RPF1: variants seen among roughly 807,000 people sequenced by gnomAD.
RPF1 encodes ribosome production factor 1 homolog.
RPF1 carries 34 observed loss-of-function variants against 41.9 expected under a neutral mutation model. That is an observed-to-expected ratio of 0.81 (90% CI 0.62 to 1.08). The LOEUF is 1.08. RPF1 is among the 50% of genes least tolerant of loss of function. The pLI is 0.00. For missense variants in RPF1, 425 were observed against 435.2 expected (o/e 0.98, Z 0.21); for synonymous variants, 140 against 148.9 (o/e 0.94, Z 0.43).
intron 2 of RPF1, 64 bp downstream of exon 2, chr1:84,481,076 G>A (rs1681639543): frequency 1.1e-5 from 9 of 855,336 alleles, no homozygotes; most frequent in Non-Finnish European, 1.7e-5. Context: ...TGATATTTAA[G>A]TTGAATTACT....
intron 3 of RPF1, among the ~76,000 whole-genome samples, chr1:84,483,693 T>C (rs1681691111): frequency 6.6e-6 from 1 of 152,236 alleles, no homozygotes; most frequent in African/African-American, 2.4e-5. Flanking sequence ...AGATAATCTT[T>C]CACTTTGCAT....
chr1:84,483,908 C>T (rs1189747483), intron 3 of RPF1, among the ~76,000 whole-genome samples: 1 of 152,186 alleles, frequency 6.6e-6, no homozygotes, highest in Non-Finnish European at 1.5e-5. Context: ...GATTTGCCTG[C>T]ATCGTATTGG....
At chr1:84,487,491 A>T (rs1445891235) in intron 3 of RPF1, among the ~76,000 whole-genome samples, 2 of 152,116 alleles carry the variant, frequency 1.3e-5, no homozygotes, top group Non-Finnish European at 2.9e-5. Flanking sequence ...TTCTCTATAT[A>T]ATTTGGATAC....
At chr1:84,479,581 A>C in intron 1 of RPF1, 72 bp downstream of exon 1, 11 of 1,416,060 alleles carry the variant, frequency 7.8e-6, no homozygotes, top group Non-Finnish European at 1.1e-5. Flanking sequence ...CGGGGCGCAC[A>C]TCTGTGGTTG....
chr1:84,491,216 T>C (rs1681829785), intron 5 of RPF1, among the ~76,000 whole-genome samples: 1 of 152,182 alleles, frequency 6.6e-6, no homozygotes, highest in Non-Finnish European at 1.5e-5. Flanking sequence ...GTTATTATTG[T>C]TGCTGTTTTA....
At chr1:84,490,598 A>G (rs958561573) in intron 5 of RPF1, 126 bp downstream of exon 5, 3 of 678,992 alleles carry the variant, frequency 4.4e-6, no homozygotes, top group African/African-American at 1.9e-5. Flanking sequence ...AGAAAATTGT[A>G]TCTCTTTCCA....
At chr1:84,493,332 C>CAAAAAAAAA (rs376130673) in intron 5 of RPF1, among the ~76,000 whole-genome samples, 3 of 104,104 alleles carry the variant, frequency 2.9e-5, no homozygotes, top group Non-Finnish European at 6.4e-5. Flanking sequence ...GCACTACTAT[C>CAAAAAAAAA]AAAAAAAAAA....
chr1:84,479,626 T>TG, intron 1 of RPF1, 117 bp downstream of exon 1: 1 of 959,228 alleles, frequency 1.0e-6, no homozygotes, highest in South Asian at 1.7e-5. Flanking sequence ...TGTGGCTCCG[T>TG]GGGAAGGGTG....
In RPF1 at chr1:84,482,911, T is replaced by G. The variant is rs1337277375; in HGVS notation, c.286-4T>G. On this transcript the variant is annotated splice_polypyrimidine_tract_variant and splice_region_variant and intron_variant, in intron 2 of 8. Transcript: ENST00000370654. ...TAAAATGTAATCCCTTCTCTTTTAC[T>G]TAGGCTCCACCAAAGCCTGTACCCA... 2 of 1,590,502 alleles carry G rather than the reference T, an allele frequency of 1.3e-6. No individual in the cohort carries two copies. The highest frequency in any genetic ancestry group is 2.2e-5 in the South Asian group (2 of 90,396).
At position 84,481,017 on chromosome 1, in the gene RPF1, A is replaced by G; in HGVS notation, c.285+5A>G. 1 of 1,563,240 alleles carries G rather than the reference A, an allele frequency of 6.4e-7. No individual in the cohort carries two copies. The highest frequency in any genetic ancestry group is 8.7e-7 in the Non-Finnish European group (1 of 1,143,052). ...AGAGAGGCTCTTGGCGATAAGGTAA[A>G]TAAAATTTTTAGCTGTTTGCTTTCT... On this transcript the variant is annotated splice_donor_5th_base_variant and intron_variant, in intron 2 of 8. Coordinates refer to ENST00000370654, the MANE Select transcript of RPF1 (RefSeq NM_025065.7).
intron 1 of RPF1, 91 bp downstream of exon 1, chr1:84,479,600 T>A: frequency 8.1e-7 from 1 of 1,241,852 alleles, no homozygotes; most frequent in Non-Finnish European, 1.1e-6. Flanking sequence ...TGTCTGCTGG[T>A]CTCAAAAGTG....
chr1:84,489,936 C>T (rs999579182), intron 4 of RPF1, among the ~76,000 whole-genome samples: 5 of 152,180 alleles, frequency 3.3e-5, no homozygotes, highest in Non-Finnish European at 7.3e-5. Flanking sequence ...ACATTGTTAA[C>T]ATTTTAGCTG....
Position 84,493,332 on chromosome 1 carries a change from C to CAA in RPF1, c.617-2022_617-2021dup, listed in dbSNP as rs376130673. 1.5e-3 allele frequency among the ~76,000 whole-genome samples: 153 copies of CAA among 104,044 alleles called. 1 individual carries two copies. The highest frequency in any genetic ancestry group is 7.5e-3 in the East Asian group (25 of 3,332). 68.3% of individuals were successfully genotyped at this position (104,044 alleles called of 152,430 possible). A position where few individuals can be genotyped will look rare whatever the true frequency, so the allele number is the denominator to read the frequency against. On this transcript the variant is annotated intron_variant, in intron 5 of 8. Coordinates refer to ENST00000370654, the MANE Select transcript of RPF1 (RefSeq NM_025065.7). The stretch of plus-strand genomic sequence containing the variant: ...TCTGATGCATGGTAGGCACTACTAT[C>CAA]AAAAAAAAAAAAAAAAAAAAGATCT...
chr1:84,479,867 GCAGAAT>G (rs1681611598), intron 1 of RPF1, among the ~76,000 whole-genome samples: 1 of 152,208 alleles, frequency 6.6e-6, no homozygotes, highest in African/African-American at 2.4e-5. Context: ...TGGTTAATTT[GCAGAAT>G]CTGAAATGGA....
At chr1:84,487,297 C>G (rs913805995) in intron 3 of RPF1, among the ~76,000 whole-genome samples, 10 of 152,192 alleles carry the variant, frequency 6.6e-5, no homozygotes, top group Non-Finnish European at 1.2e-4. Flanking sequence ...CATCCACATT[C>G]TAACCAACTC....
chr1:84,479,920 AT>A (rs1365474166), intron 1 of RPF1, among the ~76,000 whole-genome samples: 1 of 152,164 alleles, frequency 6.6e-6, no homozygotes, highest in African/African-American at 2.4e-5. Flanking sequence ...TGCTTCTCTG[AT>A]TCCTGCAGGA....
intron 5 of RPF1, among the ~76,000 whole-genome samples, chr1:84,492,686 A>G (rs1192105693): frequency 1.3e-5 from 2 of 152,218 alleles, no homozygotes; most frequent in African/African-American, 2.4e-5. Flanking sequence ...ACAGACCTAC[A>G]TCCTCTATTC....
At position 84,490,418 on chromosome 1, in the gene RPF1, A is replaced by C; in HGVS notation, c.562A>C (p.Ile188Leu). 1.2e-6 allele frequency: 2 copies of C among 1,611,056 alleles called. No homozygotes were observed. The highest frequency in any genetic ancestry group is 1.7e-5 in the Admixed American group (1 of 59,582). The change falls in exon 5 of 9, where the codon ATC becomes CTC. Residue 188 changes from isoleucine to leucine, a missense_variant. Coordinates refer to ENST00000370654, the MANE Select transcript of RPF1 (RefSeq NM_025065.7). ...LALKKIIPQC[I>L]ARDFTDLIVI... ...TCTGAAAAAAATTATTCCACAGTGC[A>C]TCGCAAGAGATTTCACAGACCTGAT...
In RPF1 at chr1:84,479,472, A is replaced by G. The variant is rs1199900575; in HGVS notation, c.191A>G (p.His64Arg). Reference sequence around the variant, plus strand: ...GAGATTAAAAACAAACAGCGGCGACACTTAATGTTCACGCGGTGGAAACAG... The same window carrying G: ...GAGATTAAAAACAAACAGCGGCGACGCTTAATGTTCACGCGGTGGAAACAG... Reference protein sequence around the residue: ...ISEIKNKQRRHLMFTRWKQQQ... With the variant: ...ISEIKNKQRRRLMFTRWKQQQ... The change falls in exon 1 of 9, where the codon CAC becomes CGC. Residue 64 changes from histidine (H) to arginine (R), a missense_variant. Transcript: ENST00000370654. 2 of 1,614,240 alleles carry G rather than the reference A, an allele frequency of 1.2e-6. No individual in the cohort carries two copies. The highest frequency in any genetic ancestry group is 2.2e-5 in the South Asian group (2 of 91,090).
Sources: allele counts gnomAD v4.1 joint callset (sites outside exome capture counted in the v4.1 genomes callset), GRCh38; gene constraint gnomAD v4.1.1; transcripts MANE v1.5; gene names NCBI Gene and HGNC (gene_info 2026-07-23, HGNC 2026-07-21).